The following TMTC2 variants were observed in gnomAD, a reference collection of about 807,000 sequenced individuals.
The protein encoded by TMTC2 is protein O-mannosyl-transferase TMTC2.
A neutral mutation model predicts 82.4 loss-of-function variants in TMTC2; 43 were observed. The observed-to-expected ratio is 0.52, with a 90% CI of 0.41 to 0.67. The LOEUF is 0.67. Ranked by LOEUF, TMTC2 falls within the 30% of genes least tolerant of loss-of-function variation. TMTC2 has a pLI of 0.00. For synonymous variants in TMTC2, 408 were observed against 381.9 expected (o/e 1.07, Z -0.80); for missense variants, 919 against 1,012.4 (o/e 0.91, Z 1.25).
intron 4 of TMTC2, among the ~76,000 whole-genome samples, chr12:82,935,806 ATAAGT>A (rs1490985079): frequency 1.3e-5 from 2 of 152,146 alleles, no homozygotes; most frequent in Non-Finnish European, 2.9e-5. Flanking sequence ...TTTTGCTACT[ATAAGT>A]TAATTGTCAT....
intron 11 of TMTC2, among the ~76,000 whole-genome samples, chr12:83,128,679 A>G (rs1885169449): frequency 6.6e-6 from 1 of 152,162 alleles, no homozygotes. Context: ...TTCAGTAGGC[A>G]GGGCCTGAAA....
At chr12:82,855,438 G>C (rs1274920172) in intron 1 of TMTC2, among the ~76,000 whole-genome samples, 1 of 152,194 alleles carries the variant, frequency 6.6e-6, no homozygotes, top group Non-Finnish European at 1.5e-5. Context: ...GGAGGGCCTA[G>C]AGTTGAACAT....
intron 4 of TMTC2, 102 bp downstream of exon 4, chr12:82,930,647 C>A: frequency 3.1e-6 from 2 of 641,956 alleles, no homozygotes; most frequent in Non-Finnish European, 5.3e-6. Context: ...TAGCTATTGT[C>A]CTGAAATAGT....
At chr12:82,801,541 A>G (rs574008269) in intron 1 of TMTC2, among the ~76,000 whole-genome samples, 45 of 152,258 alleles carry the variant, frequency 3.0e-4, no homozygotes, top group Non-Finnish European at 5.0e-4. Context: ...TCTGTTTTAC[A>G]GAGAGCTGAT....
intron 2 of TMTC2, among the ~76,000 whole-genome samples, chr12:82,857,986 C>A (rs1871345141): frequency 1.3e-5 from 2 of 152,188 alleles, no homozygotes; most frequent in Admixed American, 6.5e-5. Context: ...AATCCTCTGC[C>A]ATTTGTTAAT....
intron 8 of TMTC2, among the ~76,000 whole-genome samples, chr12:83,028,508 C>T (rs554607993): frequency 1.3e-5 from 2 of 152,102 alleles, no homozygotes; most frequent in South Asian, 2.1e-4. Context: ...TATTGCAGTT[C>T]GCTCTTTTGT....
chr12:82,822,679 C>G (rs1316661573), intron 1 of TMTC2, among the ~76,000 whole-genome samples: 1 of 152,106 alleles, frequency 6.6e-6, no homozygotes, highest in African/African-American at 2.4e-5. Context: ...TGTGGCAAAC[C>G]TGATTTTCAT....
At position 83,061,871 on chromosome 12, in the gene TMTC2, G is replaced by A. The variant is rs563196265; in HGVS notation, c.2331+40G>A. On this transcript the variant is annotated intron_variant, in intron 11 of 11. Coordinates refer to ENST00000321196, the MANE Select transcript of TMTC2 (RefSeq NM_152588.3). ...AATGAGAAACATTTTCAGAGGGATA[G>A]ACTCCAAGCATATGATAGGTGTAAG... The A allele has an allele frequency of 1.1e-5, 16 of 1,477,372 alleles. No individual in the cohort carries two copies. In the African/African-American group the frequency reaches 2.0e-4, roughly 18 times the overall value. 91.5% of individuals were successfully genotyped at this position (1,477,372 alleles called of 1,614,324 possible).
chr12:83,003,207 C>T (rs7314831), intron 8 of TMTC2, among the ~76,000 whole-genome samples: 116,467 of 152,008 alleles, frequency 0.77, 46,158 homozygotes, highest in South Asian at 0.93. Flanking sequence ...GTTGGTTTAA[C>T]GTCTGTTTTA....
intron 9 of TMTC2, among the ~76,000 whole-genome samples, chr12:83,048,963 C>A (rs1193985384): frequency 6.6e-6 from 1 of 152,204 alleles, no homozygotes; most frequent in East Asian, 1.9e-4. Context: ...GCCACTGCGT[C>A]CAGCCAGCTA....
chr12:82,738,213 TGACTA>T (rs2136949870), intron 1 of TMTC2, among the ~76,000 whole-genome samples: 1 of 152,344 alleles, frequency 6.6e-6, no homozygotes, highest in East Asian at 1.9e-4. Context: ...CTCCCTTAAA[TGACTA>T]TGCCAGGGCA....
chr12:82,879,160 A>T (rs912138095), intron 2 of TMTC2, among the ~76,000 whole-genome samples: 1 of 152,186 alleles, frequency 6.6e-6, no homozygotes, highest in Non-Finnish European at 1.5e-5. Context: ...ATTGTCTCTT[A>T]TATCAGTTAC....
intron 11 of TMTC2, among the ~76,000 whole-genome samples, chr12:83,075,673 T>A (rs1883264046): frequency 6.6e-6 from 1 of 152,218 alleles, no homozygotes; most frequent in Admixed American, 6.5e-5. Flanking sequence ...TTTTGCCATG[T>A]CAGTAGAAAT....
chr12:82,898,218 C>T (rs1356413456), intron 3 of TMTC2, among the ~76,000 whole-genome samples: 3 of 152,058 alleles, frequency 2.0e-5, no homozygotes, highest in African/African-American at 7.2e-5. Context: ...TCCTAGGTGG[C>T]GAGTACTTCA....
At chr12:82,935,719 C>A (rs970871517) in intron 4 of TMTC2, among the ~76,000 whole-genome samples, 3 of 152,058 alleles carry the variant, frequency 2.0e-5, no homozygotes, top group Non-Finnish European at 2.9e-5. Flanking sequence ...TTTCAAAATG[C>A]AGATGAATTT....
At chr12:82,844,710 G>T (rs1477917204) in intron 1 of TMTC2, among the ~76,000 whole-genome samples, 1 of 151,778 alleles carries the variant, frequency 6.6e-6, no homozygotes, top group Non-Finnish European at 1.5e-5. Context: ...ACTGAGGCAG[G>T]AGAATGGCGG....
intron 1 of TMTC2, among the ~76,000 whole-genome samples, chr12:82,792,451 G>A (rs1285591373): frequency 6.6e-6 from 1 of 151,698 alleles, no homozygotes; most frequent in Non-Finnish European, 1.5e-5. Flanking sequence ...CTCCTCAATG[G>A]TTTTTTGTTT....
At chr12:82,890,311 A>G (rs541956497) in intron 2 of TMTC2, among the ~76,000 whole-genome samples, 8 of 152,018 alleles carry the variant, frequency 5.3e-5, no homozygotes, top group African/African-American at 1.7e-4. Context: ...TTTTCTCCTA[A>G]TATTCTGGGA....
chr12:82,743,085 G>A (rs1875502472), intron 1 of TMTC2, among the ~76,000 whole-genome samples: 1 of 152,152 alleles, frequency 6.6e-6, no homozygotes, highest in African/African-American at 2.4e-5. Flanking sequence ...TCTGAGCATT[G>A]ATTTACCTTT....
Sources: allele counts gnomAD v4.1 joint callset (sites outside exome capture counted in the v4.1 genomes callset), GRCh38; gene constraint gnomAD v4.1.1; transcripts MANE v1.5; gene names NCBI Gene and HGNC (gene_info 2026-07-23, HGNC 2026-07-21).